The following ZNF532 variants were observed in gnomAD, a reference collection of about 807,000 sequenced individuals.
ZNF532 encodes the protein zinc finger protein 532.
Under a neutral mutation model 89.3 loss-of-function variants are expected in ZNF532, and 22 were observed. The ratio of observed to expected loss-of-function variants is 0.25; its 90% CI spans 0.18 to 0.35. ZNF532 has a LOEUF of 0.35. Among genes scored for constraint, ZNF532 ranks in the 10% least tolerant of loss-of-function variants. The probability of loss-of-function intolerance (pLI) is 1.00; values close to 1 mark genes in which losing one functional copy is unlikely to be tolerated. For missense variants in ZNF532, 1,132 were observed against 1,643.4 expected, an observed-to-expected ratio of 0.69 and a Z score of 5.38; for synonymous variants, 606 against 649.6, an observed-to-expected ratio of 0.93 and a Z score of 1.02.
At chr18:58,885,858 A>G (rs1423203656) in intron 2 of ZNF532, among the ~76,000 whole-genome samples, 1 of 152,112 alleles carries the variant, frequency 6.6e-6, no homozygotes, top group East Asian at 1.9e-4. Context: ...AAAAAAAAAA[A>G]AAGTTGGAAG....
chr18:58,944,893 T>C (rs915972259), intron 5 of ZNF532, among the ~76,000 whole-genome samples: 19 of 152,192 alleles, frequency 1.2e-4, no homozygotes, highest in Admixed American at 3.9e-4. Flanking sequence ...CCCTGCTTTG[T>C]ATTTAGGAGG....
chr18:58,966,696 T>C (rs748489600), intron 7 of ZNF532, among the ~76,000 whole-genome samples: 1 of 151,766 alleles, frequency 6.6e-6, no homozygotes. Flanking sequence ...TGTAAAATAT[T>C]AGTCCACATC....
chr18:58,862,971 C>CT (rs1319565344), upstream of ZNF532: 2 of 152,240 alleles, frequency 1.3e-5, no homozygotes, highest in Non-Finnish European at 2.9e-5. Context: ...AAACCACTAA[C>CT]TAACCAGAGG....
At chr18:58,979,310 G>T in intron 8 of ZNF532, 143 bp downstream of exon 8, 1 of 516,234 alleles carries the variant, frequency 1.9e-6, no homozygotes. Context: ...TTGGCATAGA[G>T]TTTTTGGATT....
intron 6 of ZNF532, among the ~76,000 whole-genome samples, chr18:58,950,018 T>C (rs1360537413): frequency 1.3e-5 from 2 of 152,218 alleles, no homozygotes; most frequent in East Asian, 1.9e-4. Context: ...ACAATAAATA[T>C]CTATTTAATG....
chr18:58,984,792 T>C lies in ZNF532; in HGVS notation c.*326T>C, dbSNP rs1297077402. 7.6e-5 allele frequency: 14 copies of C among 184,460 alleles called. No homozygotes were observed. Among genetic ancestry groups the C allele is most frequent in the Non-Finnish European group, 1.6e-4 (14 of 87,082 alleles). 11.4% of individuals were successfully genotyped at this position (184,460 alleles called of 1,614,324 possible). A position where few individuals can be genotyped will look rare whatever the true frequency, so the allele number is the denominator to read the frequency against. ...TACTGTTTCTTTAAAACAGAGTTCTTAGTAACAGGGGCAGTTCCTGAATTC... is the reference window on the plus strand; with the variant it reads ...TACTGTTTCTTTAAAACAGAGTTCTCAGTAACAGGGGCAGTTCCTGAATTC... On this transcript the variant is annotated 3_prime_UTR_variant, in exon 10 of 10. Transcript: ENST00000591808.
chr18:58,978,972 C>G, intron 7 of ZNF532, 83 bp from the exon 8 acceptor site: 1 of 1,132,982 alleles, frequency 8.8e-7, no homozygotes, highest in Non-Finnish European at 1.3e-6. Flanking sequence ...AATGATTTAA[C>G]TTAAACTATT....
chr18:58,903,331 G>A (rs147866542), intron 2 of ZNF532, among the ~76,000 whole-genome samples: 1 of 152,352 alleles, frequency 6.6e-6, no homozygotes, highest in African/African-American at 2.4e-5. Context: ...AGCAGCTCAT[G>A]GTTGGGGGCA....
At chr18:58,884,509 T>C (rs566678736) in intron 2 of ZNF532, among the ~76,000 whole-genome samples, 1 of 152,374 alleles carries the variant, frequency 6.6e-6, no homozygotes, top group Admixed American at 6.5e-5. Context: ...GGAAGGCTTA[T>C]TCAGGTGACA....
chr18:58,880,885 G>A (rs77136236), intron 2 of ZNF532, among the ~76,000 whole-genome samples: 12,933 of 152,028 alleles, frequency 0.085, 1,092 homozygotes, highest in East Asian at 0.41. Context: ...ACATAGTTTA[G>A]CACTTGATGT....
chr18:58,928,189 G>GCAC (rs1400567735), intron 3 of ZNF532, among the ~76,000 whole-genome samples: 1 of 152,166 alleles, frequency 6.6e-6, no homozygotes, highest in African/African-American at 2.4e-5. Context: ...CTGCCTGTGA[G>GCAC]CACCAGCTGG....
At chr18:58,868,144 A>C (rs539049587) in intron 2 of ZNF532, among the ~76,000 whole-genome samples, 343 of 152,296 alleles carry the variant, frequency 2.3e-3, no homozygotes, top group Middle Eastern at 6.8e-3. Flanking sequence ...GCTGGCTGTT[A>C]ACAGGTGAAG....
At position 58,919,404 on chromosome 18, in the gene ZNF532, A is replaced by G; in HGVS notation, c.1117A>G (p.Ile373Val). 1 of 1,614,216 alleles carries G rather than the reference A, an allele frequency of 6.2e-7. No individual in the cohort carries two copies. Among genetic ancestry groups the G allele is most frequent in the Non-Finnish European group, 8.5e-7 (1 of 1,180,038 alleles). The change falls in exon 3 of 10, where the codon ATC (isoleucine) becomes GTC (valine). Residue 373 changes from isoleucine (I) to valine (V), a missense_variant. Coordinates refer to ENST00000591808, the MANE Select transcript of ZNF532 (RefSeq NM_001375912.1). This position sits in a 1 kb window ranked among gnomAD's most constrained non-coding sequence, Gnocchi z 6.1. ...IKTIKTSSGEIKRTVTRVLPE... is the reference protein window; with the variant it reads ...IKTIKTSSGEVKRTVTRVLPE... ...AACCATTAAGACATCTTCTGGGGAAATCAAGAGAACAGTGACCAGGGTATT... is the reference window on the plus strand; with the variant it reads ...AACCATTAAGACATCTTCTGGGGAAGTCAAGAGAACAGTGACCAGGGTATT...
chr18:58,963,339 C>T lies in ZNF532; in HGVS notation c.3150+9540C>T, dbSNP rs544159327. 2.0e-5 allele frequency among the ~76,000 whole-genome samples: 3 copies of T among 152,234 alleles called. No individual in the cohort carries two copies. The South Asian group carries it at 6.2e-4, about 32-fold the overall frequency. On this transcript the variant is annotated intron_variant, in intron 7 of 9. Coordinates refer to ENST00000591808, the MANE Select transcript of ZNF532 (RefSeq NM_001375912.1). Reference sequence around the variant, plus strand: ...ATTTGAATACTTGCTATTTTGTAGCCTTTCCCATTCTGAAATTCACTTTCA... The same window carrying T: ...ATTTGAATACTTGCTATTTTGTAGCTTTTCCCATTCTGAAATTCACTTTCA...
intron 5 of ZNF532, 130 bp from the exon 6 acceptor site, chr18:58,947,937 G>A (rs981422386): frequency 1.1e-5 from 9 of 784,642 alleles, no homozygotes; most frequent in South Asian, 2.3e-5. Context: ...AGAGCTAATC[G>A]TTGTTCTATT....
At chr18:58,872,698 CTTTTTTTT>C (rs146289274) in intron 2 of ZNF532, among the ~76,000 whole-genome samples, 30,397 of 138,574 alleles carry the variant, frequency 0.22, 5,432 homozygotes, top group East Asian at 0.56. Flanking sequence ...CAACATTTAT[CTTTTTTTT>C]TTTTTTTTTT....
rs112507534 is a variant in ZNF532 at position 58,917,508 on chromosome 18, G to T, written c.-17-763G>T. On this transcript the variant is annotated intron_variant, in intron 2 of 9. Transcript: ENST00000591808. The stretch of plus-strand genomic sequence containing the variant: ...CCTGACAATCACTTGTCCTCTGCGG[G>T]TCGGGGGAAGAGCCCCTTTTAAAGA... Among the ~76,000 whole-genome samples the T allele has an allele frequency of 7.2e-3, 1,094 of 152,266 alleles. 11 individuals carry two copies. The highest frequency in any genetic ancestry group is 0.025 in the African/African-American group (1,029 of 41,540).
At position 58,875,825 on chromosome 18, in the gene ZNF532, C is replaced by T. The variant is rs182938096; in HGVS notation, c.-18+10246C>T. Among the ~76,000 whole-genome samples, 5 of 152,020 alleles carry T rather than the reference C, an allele frequency of 3.3e-5. No homozygotes were observed. In the East Asian group the frequency reaches 5.8e-4, roughly 18 times the overall value. ...TTTCTACCACTTTGTACATCTTTTC[C>T]GTGTAAAAGCTCCAGTTTGCTGCTG... is the stretch of plus-strand genomic sequence containing the variant. On this transcript the variant is annotated intron_variant, in intron 2 of 9. Transcript: ENST00000591808.
intron 2 of ZNF532, among the ~76,000 whole-genome samples, chr18:58,871,846 A>G (rs528380245): frequency 6.6e-6 from 1 of 152,362 alleles, no homozygotes; most frequent in East Asian, 1.9e-4. Context: ...TTTATTGGGC[A>G]CTGGGGTGAG....
Sources: gnomAD v4.1 joint callset for allele counts (sites outside exome capture counted in the v4.1 genomes callset) on GRCh38, gnomAD v4.1.1 for gene constraint, Gnocchi (gnomAD v3.1) non-coding constraint, MANE v1.5 for transcripts, NCBI Gene and HGNC (gene_info 2026-07-23, HGNC 2026-07-21) for gene names.